Variants in ROCK2 observed in about 807,000 individuals in gnomAD.
ROCK2 encodes rho-associated protein kinase 2.
In ROCK2, 61 loss-of-function variants were observed where a neutral mutation model predicts 195.1. That is an observed-to-expected ratio of 0.31 (90% CI 0.25 to 0.39). The LOEUF (loss-of-function observed/expected upper bound fraction) is 0.39, where lower values mean the gene tolerates loss of function less well. ROCK2 is among the 10% of genes least tolerant of loss of function. The pLI is 1.00. For synonymous variants in ROCK2, 504 were observed against 545.5 expected (o/e 0.92, Z 1.06); for missense variants, 1,109 against 1,637.4 (o/e 0.68, Z 5.57).
rs138249903 is a variant in ROCK2 at position 11,300,348 on chromosome 2, C to T, written c.142-12612G>A. 2.1e-4 allele frequency among the ~76,000 whole-genome samples: 32 copies of T among 152,298 alleles called. No homozygotes were observed. In the East Asian group the frequency reaches 6.0e-3, roughly 28 times the overall value. Reference sequence around the variant, plus strand: ...CGTGATCTCAGCTCAATGCAATCTCCGCCCTCCCAGGTTCAAGAGATTCTC... The same window carrying T: ...CGTGATCTCAGCTCAATGCAATCTCTGCCCTCCCAGGTTCAAGAGATTCTC... On this transcript the variant is annotated intron_variant, in intron 1 of 32. Coordinates refer to ENST00000315872, the MANE Select transcript of ROCK2 (RefSeq NM_004850.5).
chr2:11,299,043 C>A (rs1667624065), intron 1 of ROCK2, among the ~76,000 whole-genome samples: 1 of 151,674 alleles, frequency 6.6e-6, no homozygotes, highest in South Asian at 2.1e-4. Context: ...CCCAGGCGGG[C>A]AGATCATGAA....
At chr2:11,236,535 T>C (rs1049639670) in intron 4 of ROCK2, among the ~76,000 whole-genome samples, 1 of 152,102 alleles carries the variant, frequency 6.6e-6, no homozygotes, top group African/African-American at 2.4e-5. Context: ...CAAGAGACAT[T>C]CAGTTTACTG....
chr2:11,298,486 A>C (rs994474849), intron 1 of ROCK2, among the ~76,000 whole-genome samples: 1 of 151,572 alleles, frequency 6.6e-6, no homozygotes, highest in Non-Finnish European at 1.5e-5. Flanking sequence ...AAAAAAAAAA[A>C]AAAAAACCAC....
rs1664109763 is a variant in ROCK2 at position 11,207,899 on chromosome 2, C to G, written c.2376G>C (p.Leu792=). 1 of 1,577,992 alleles carries G rather than the reference C, an allele frequency of 6.3e-7. No homozygotes were observed. Among genetic ancestry groups the G allele is most frequent in the Non-Finnish European group, 8.6e-7 (1 of 1,163,714 alleles). The change falls in exon 20 of 33, where the codon CTG becomes CTC. Residue 792 remains leucine (L), a synonymous_variant. Transcript: ENST00000315872. ...GAGTTTCTTGCTCTATTTTTAATGT[C>G]AGGTTTCTAACCTAAGAAATAAATT... ...KDVLNEDVRN[L]TLKIEQETQK...
intron 4 of ROCK2, among the ~76,000 whole-genome samples, chr2:11,248,352 A>T (rs1665695734): frequency 6.6e-6 from 1 of 151,998 alleles, no homozygotes; most frequent in Non-Finnish European, 1.5e-5. Flanking sequence ...ATGTCTGCAG[A>T]TTTACTTACT....
intron 27 of ROCK2, among the ~76,000 whole-genome samples, chr2:11,196,413 C>T (rs1663638949): frequency 6.6e-6 from 1 of 152,138 alleles, no homozygotes; most frequent in African/African-American, 2.4e-5. Context: ...TTGAAAATGG[C>T]TAAAACAAGC....
At chr2:11,290,464 TAAAGAAATGCTAA>T (rs1021709083) in intron 1 of ROCK2, among the ~76,000 whole-genome samples, 1 of 151,352 alleles carries the variant, frequency 6.6e-6, no homozygotes, top group African/African-American at 2.4e-5. Context: ...AAAACTGAGA[TAAAGAAATGCTAA>T]AAAGAAATAC....
In ROCK2 at chr2:11,311,460, GA is replaced by G. The variant is rs1468239086; in HGVS notation, c.142-23725del. 2.6e-5 allele frequency among the ~76,000 whole-genome samples: 4 copies of G among 152,068 alleles called. No individual in the cohort carries two copies. The East Asian group carries it at 5.8e-4, about 22-fold the overall frequency. ...ATTAGAGTTCTGGACTTACGAAGAA[GA>G]AAAAGTCCAGGGTTTTTAATGGAGT... On this transcript the variant is annotated intron_variant, in intron 1 of 32. Transcript: ENST00000315872.
At chr2:11,231,713 T>C (rs1665018485) in intron 5 of ROCK2, among the ~76,000 whole-genome samples, 1 of 152,200 alleles carries the variant, frequency 6.6e-6, no homozygotes, top group South Asian at 2.1e-4. Context: ...ATAAGGGTGA[T>C]GGCAACTGCA....
chr2:11,297,558 T>C (rs190441101), intron 1 of ROCK2, among the ~76,000 whole-genome samples: 21 of 152,276 alleles, frequency 1.4e-4, no homozygotes, highest in Non-Finnish European at 2.4e-4. Context: ...TTGTTTTTTT[T>C]TCTCTCTCTT....
intron 32 of ROCK2, among the ~76,000 whole-genome samples, chr2:11,188,020 G>A (rs1489761203): frequency 6.6e-6 from 1 of 150,818 alleles, no homozygotes; most frequent in Non-Finnish European, 1.5e-5. Flanking sequence ...ATACTTTTCT[G>A]CATGCATTAA....
intron 4 of ROCK2, among the ~76,000 whole-genome samples, chr2:11,236,215 GAAACTATTTA>G (rs995962331): frequency 1.3e-5 from 2 of 151,790 alleles, no homozygotes; most frequent in African/African-American, 4.8e-5. Flanking sequence ...CAATACAAAA[GAAACTATTTA>G]AATAGAAACA....
At chr2:11,260,404 C>A (rs566697060) in intron 3 of ROCK2, among the ~76,000 whole-genome samples, 2 of 143,946 alleles carry the variant, frequency 1.4e-5, no homozygotes, top group African/African-American at 5.2e-5. Context: ...GCTGAGATCA[C>A]ACCATTGCAC....
intron 1 of ROCK2, among the ~76,000 whole-genome samples, chr2:11,322,928 A>T (rs1273507306): frequency 6.6e-6 from 1 of 152,174 alleles, no homozygotes; most frequent in Non-Finnish European, 1.5e-5. Flanking sequence ...TATCTCCAGT[A>T]AGTATAGATC....
intron 3 of ROCK2, among the ~76,000 whole-genome samples, chr2:11,268,569 C>T (rs1288428556): frequency 7.2e-6 from 1 of 139,572 alleles, no homozygotes; most frequent in Non-Finnish European, 1.6e-5. Context: ...TCTGCATTCA[C>T]AGATGACTTT....
At chr2:11,289,269 T>A (rs985820542) in intron 1 of ROCK2, among the ~76,000 whole-genome samples, 12 of 151,928 alleles carry the variant, frequency 7.9e-5, no homozygotes, top group African/African-American at 2.4e-4. Flanking sequence ...ATAAACAACA[T>A]CACACACACA....
intron 3 of ROCK2, among the ~76,000 whole-genome samples, chr2:11,263,623 A>C (rs971754701): frequency 6.8e-6 from 1 of 147,294 alleles, no homozygotes; most frequent in Non-Finnish European, 1.5e-5. Flanking sequence ...AAAAGAAATC[A>C]AAGTATATAT....
chr2:11,181,177 TA>T lies in ROCK2; in HGVS notation c.*2259del, dbSNP rs1055635985. On this transcript the variant is annotated 3_prime_UTR_variant, in exon 33 of 33. Coordinates refer to ENST00000315872, the MANE Select transcript of ROCK2 (RefSeq NM_004850.5). ...ATTATTTCACCTTAATAAAGTTTAT[TA>T]AAAATATATATATATATATATATAT... The T allele has an allele frequency of 1.0e-5, 1 of 99,660 alleles. No homozygotes were observed. Among genetic ancestry groups the T allele is most frequent in the Non-Finnish European group, 2.0e-5 (1 of 50,656 alleles). 6.2% of individuals were successfully genotyped at this position (99,660 alleles called of 1,614,324 possible). A position where few individuals can be genotyped will look rare whatever the true frequency, so the allele number is the denominator to read the frequency against.
chr2:11,332,474 C>CAT (rs1257288428), intron 1 of ROCK2, among the ~76,000 whole-genome samples: 1 of 152,174 alleles, frequency 6.6e-6, no homozygotes, highest in Non-Finnish European at 1.5e-5. Flanking sequence ...AGGCCACACT[C>CAT]ATGACACATT....
Sources: gnomAD v4.1 joint callset for allele counts (sites outside exome capture counted in the v4.1 genomes callset) on GRCh38, gnomAD v4.1.1 for gene constraint, MANE v1.5 for transcripts, NCBI Gene and HGNC (gene_info 2026-07-23, HGNC 2026-07-21) for gene names.